The following VPS13B variants were observed in gnomAD, a reference collection of about 807,000 sequenced individuals.
The protein encoded by VPS13B is intermembrane lipid transfer protein VPS13B.
VPS13B carries 285 observed loss-of-function variants against 426.4 expected under a neutral mutation model. The ratio of observed to expected loss-of-function variants is 0.67; its 90% confidence interval spans 0.61 to 0.74. The LOEUF (loss-of-function observed/expected upper bound fraction) is 0.74. Ranked by LOEUF, VPS13B falls within the 30% of genes least tolerant of loss-of-function variation. The pLI is 0.00. For missense variants in VPS13B, 4,537 were observed against 4,782.6 expected, an observed-to-expected ratio of 0.95 and a Z score of 1.51; for synonymous variants, 1,676 against 1,676.4, an observed-to-expected ratio of 1.00 and a Z score of 0.01.
At chr8:99,429,519 A>C (rs1816969040) in intron 21 of VPS13B, 1 of 152,150 alleles carries the variant, frequency 6.6e-6, no homozygotes, top group African/African-American at 2.4e-5. Flanking sequence ...ATCTCAGTTT[A>C]AGACATCCCA....
intron 15 of VPS13B, among the ~76,000 whole-genome samples, chr8:99,157,840 C>T (rs1588096733): frequency 6.6e-6 from 1 of 152,134 alleles, no homozygotes; most frequent in Admixed American, 6.5e-5. Context: ...ACAGGAATGA[C>T]AAGAAAGTGA....
intron 19 of VPS13B, among the ~76,000 whole-genome samples, chr8:99,360,935 A>G (rs868039715): frequency 6.6e-6 from 1 of 152,156 alleles, no homozygotes; most frequent in Non-Finnish European, 1.5e-5. Flanking sequence ...ATAGGATATT[A>G]TTGTCCTTTG....
intron 43 of VPS13B, among the ~76,000 whole-genome samples, chr8:99,793,053 A>AG (rs200647761): frequency 0.019 from 2,795 of 150,568 alleles, 90 homozygotes; most frequent in African/African-American, 0.065. Flanking sequence ...AAAAAAAAAA[A>AG]AAAAATTAGG....
At chr8:99,619,038 G>T (rs1292479685) in intron 33 of VPS13B, among the ~76,000 whole-genome samples, 1 of 151,982 alleles carries the variant, frequency 6.6e-6, no homozygotes, top group Non-Finnish European at 1.5e-5. Context: ...TAGTTCCTAT[G>T]TACATGTCTG....
In VPS13B at chr8:99,676,977, G is replaced by A. The variant is rs552758768; in HGVS notation, c.6046+15486G>A. ...AAACCCCATCTCTACTAAAATGGACGTGATGGTGCATGCCTGTAATACCAG... is the reference window on the plus strand; with the variant it reads ...AAACCCCATCTCTACTAAAATGGACATGATGGTGCATGCCTGTAATACCAG... On this transcript the variant is annotated intron_variant, in intron 35 of 61. Coordinates refer to ENST00000357162, the MANE Select transcript of VPS13B (RefSeq NM_152564.5). 2.3e-4 allele frequency among the ~76,000 whole-genome samples: 35 copies of A among 152,102 alleles called. No individual in the cohort carries two copies. In the East Asian group the frequency reaches 4.1e-3, roughly 18 times the overall value.
chr8:99,818,983 G>GGGGGGGGGGT, intron 47 of VPS13B, 95 bp downstream of exon 47: 1 of 384,876 alleles, frequency 2.6e-6, no homozygotes, highest in Non-Finnish European at 5.3e-6. Flanking sequence ...GGAGGGGTGG[G>GGGGGGGGGGT]TAGGGAGATG....
Position 99,575,758 on chromosome 8 carries a change from G to A in VPS13B, c.5050G>A (p.Val1684Ile), listed in dbSNP as rs1393723853. 3 of 1,613,602 alleles carry A rather than the reference G, an allele frequency of 1.9e-6. No individual in the cohort carries two copies. The highest frequency in any genetic ancestry group is 3.3e-5 in the Admixed American group (2 of 59,892). ...GAPAVIFTKV[V>I]SPENLHTEEI... The stretch of plus-strand genomic sequence containing the variant: ...ACCTGCTGTCATTTTCACCAAAGTA[G>A]TTTCTCCAGAAAATTTGCATACTGA... Residue 1684 changes from valine (V) to isoleucine (I), a missense_variant, in exon 32 of 62, where the codon GTT becomes ATT. Coordinates refer to ENST00000357162, the MANE Select transcript of VPS13B (RefSeq NM_152564.5).
chr8:99,317,622 A>G (rs985980311), intron 19 of VPS13B, among the ~76,000 whole-genome samples: 1 of 152,104 alleles, frequency 6.6e-6, no homozygotes, highest in Non-Finnish European at 1.5e-5. Flanking sequence ...GTCCTCCCTT[A>G]ATTTGAAGTG....
At chr8:99,794,323 GAGA>G (rs1402445097) in intron 43 of VPS13B, among the ~76,000 whole-genome samples, 5 of 152,278 alleles carry the variant, frequency 3.3e-5, no homozygotes, top group Admixed American at 2.0e-4. Context: ...AGAGTGCTAA[GAGA>G]AGAATTATCT....
intron 54 of VPS13B, among the ~76,000 whole-genome samples, chr8:99,842,891 G>A (rs1365888304): frequency 1.3e-5 from 2 of 152,164 alleles, no homozygotes; most frequent in East Asian, 3.9e-4. Flanking sequence ...AGAGACTTAT[G>A]CCTGTAATCC....
intron 3 of VPS13B, among the ~76,000 whole-genome samples, chr8:99,068,064 C>T (rs533823975): frequency 5.9e-5 from 9 of 152,112 alleles, no homozygotes; most frequent in South Asian, 4.2e-4. Flanking sequence ...ATTTATTTTC[C>T]GAAATATTTG....
At chr8:99,789,558 T>G (rs1163255406) in intron 43 of VPS13B, among the ~76,000 whole-genome samples, 1 of 152,054 alleles carries the variant, frequency 6.6e-6, no homozygotes. Flanking sequence ...ACCCAGTAAG[T>G]CTCCCAGTAG....
chr8:99,846,377 C>A (rs1200391260), intron 54 of VPS13B, among the ~76,000 whole-genome samples: 3 of 152,332 alleles, frequency 2.0e-5, no homozygotes, highest in South Asian at 4.1e-4. Flanking sequence ...GTGCCTGATG[C>A]AGTGACTAAT....
At chr8:99,059,607 C>G (rs1220091461) in intron 3 of VPS13B, among the ~76,000 whole-genome samples, 1 of 152,092 alleles carries the variant, frequency 6.6e-6, no homozygotes, top group African/African-American at 2.4e-5. Flanking sequence ...GAAACAATCT[C>G]CTACAGATAC....
At chr8:99,723,169 G>T (rs1011767242) in intron 39 of VPS13B, among the ~76,000 whole-genome samples, 4 of 152,138 alleles carry the variant, frequency 2.6e-5, no homozygotes, top group Admixed American at 2.6e-4. Context: ...AACCACTCAG[G>T]TTGGATTTTT....
At chr8:99,644,188 G>A (rs1306232351) in intron 34 of VPS13B, among the ~76,000 whole-genome samples, 5 of 152,104 alleles carry the variant, frequency 3.3e-5, no homozygotes, top group Non-Finnish European at 5.9e-5. Context: ...CTTACTTCAA[G>A]CCCAACCTAA....
chr8:99,633,326 A>G (rs1260280009), intron 33 of VPS13B, among the ~76,000 whole-genome samples: 2 of 152,090 alleles, frequency 1.3e-5, no homozygotes, highest in African/African-American at 2.4e-5. Context: ...GTCGACTTCT[A>G]TATTGCTGCA....
rs891049720 is a variant in VPS13B, at chr8:99,876,160, A to ACTT, written c.*496_*498dup. The ACTT allele has an allele frequency of 3.3e-4, 56 of 169,638 alleles. 1 individual carries two copies. In the East Asian group the frequency reaches 5.4e-3, roughly 16 times the overall value. 10.5% of individuals were successfully genotyped at this position (169,638 alleles called of 1,614,324 possible). On this transcript the variant is annotated 3_prime_UTR_variant, in exon 62 of 62. Transcript: ENST00000357162. ...CTTACAATGGAGAGCCAGAGTTAAAACTTCAAGTTGCATCTGTTTTTGGGC... is the reference window on the plus strand; with the variant it reads ...CTTACAATGGAGAGCCAGAGTTAAAACTTCTTCAAGTTGCATCTGTTTTTGGGC...
In VPS13B at chr8:99,589,560, A is replaced by T. The variant is rs536895479; in HGVS notation, c.5220+11927A>T. Among the ~76,000 whole-genome samples, 8 of 151,730 alleles carry T rather than the reference A, an allele frequency of 5.3e-5. 1 individual carries two copies. The highest frequency in any genetic ancestry group is 1.9e-4 in the African/African-American group (8 of 41,040). ...TCATCTTTTTTTATGGCTGCATAGG[A>T]TTCCATGGTGTATATGTGCCACATT... On this transcript the variant is annotated intron_variant, in intron 33 of 61. Transcript: ENST00000357162.
Sources: gnomAD v4.1 joint callset for allele counts (sites outside exome capture counted in the v4.1 genomes callset) on GRCh38, gnomAD v4.1.1 for gene constraint, MANE v1.5 for transcripts, NCBI Gene and HGNC (gene_info 2026-07-23, HGNC 2026-07-21) for gene names.